Variants in SEMA3B observed in about 807,000 individuals in gnomAD.
The protein encoded by SEMA3B is semaphorin 3B.
SEMA3B carries 71 observed loss-of-function variants against 77.8 expected under a neutral mutation model. The observed-to-expected ratio is 0.91, with a 90% confidence interval of 0.75 to 1.11. SEMA3B has a LOEUF of 1.11. SEMA3B is among the 50% of genes most tolerant of loss of function. SEMA3B has a pLI of 0.00. For missense variants in SEMA3B, 968 were observed against 1,056.8 expected, an observed-to-expected ratio of 0.92 and a Z score of 1.17; for synonymous variants, 470 against 452.9, an observed-to-expected ratio of 1.04 and a Z score of -0.48.
At chr3:50,261,348 T>G in the SEMA3B span, 1 of 152,270 alleles carries the variant, frequency 6.6e-6, no homozygotes, top group South Asian at 2.1e-4. Flanking sequence ...GAGACTGCCA[T>G]GAAGTTGATC....
chr3:50,273,894 C>T lies in SEMA3B; in HGVS notation c.993-19C>T. 6.3e-7 allele frequency: 1 copy of T among 1,589,704 alleles called. No individual in the cohort carries two copies. The highest frequency in any genetic ancestry group is 8.6e-7 in the Non-Finnish European group (1 of 1,165,304). ...GGGCTCCACCCGGCCCCTCACCTCG[C>T]CCTGGTCTTCGCCTCCAGCAGCATC... On this transcript the variant is annotated intron_variant, in intron 9 of 16. Transcript: ENST00000616701. The surrounding 1 kb of genome is among the most constrained non-coding windows in gnomAD (Gnocchi z 6.5).
At position 50,273,657 on chromosome 3, in the gene SEMA3B, G is replaced by C; in HGVS notation, c.922+11G>C. Reference sequence around the variant, plus strand: ...ACTTCGATCAGCTCCGTGAGTGCGGGAGTGGGTATGGGGTTGGGGAGGGGG... The same window carrying C: ...ACTTCGATCAGCTCCGTGAGTGCGGCAGTGGGTATGGGGTTGGGGAGGGGG... On this transcript the variant is annotated intron_variant, in intron 8 of 16. Coordinates refer to ENST00000616701, the MANE Select transcript of SEMA3B (RefSeq NM_001290060.2). This position sits in a 1 kb window ranked among gnomAD's most constrained non-coding sequence, Gnocchi z 6.5. 1.2e-6 allele frequency: 2 copies of C among 1,608,488 alleles called. No homozygotes were observed. Among genetic ancestry groups the C allele is most frequent in the Non-Finnish European group, 1.7e-6 (2 of 1,179,046 alleles).
Position 50,270,784 on chromosome 3 carries a change from G to C in SEMA3B, c.331-106G>C. On this transcript the variant is annotated intron_variant, in intron 3 of 16. Transcript: ENST00000616701. The surrounding 1 kb of genome is among the most constrained non-coding windows in gnomAD (Gnocchi z 4.7). The stretch of plus-strand genomic sequence containing the variant: ...GTCCCTGTAGCCCATGTTAGTACTT[G>C]CCTGGGCTGATGCCGAAGAGAGGGA... The C allele has an allele frequency of 6.7e-7, 1 of 1,503,622 alleles. No individual in the cohort carries two copies. The highest frequency in any genetic ancestry group is 9.0e-7 in the Non-Finnish European group (1 of 1,115,600). The allele number at this position is 1,503,622 out of a possible 1,614,324, so 93.1% of individuals were successfully genotyped here. A position where few individuals can be genotyped will look rare whatever the true frequency, so the allele number is the denominator to read the frequency against.
At position 50,270,943 on chromosome 3, in the gene SEMA3B, G is replaced by A; in HGVS notation, c.384G>A (p.Leu128=). The A allele has an allele frequency of 6.2e-7, 1 of 1,611,824 alleles. No individual in the cohort carries two copies. The highest frequency in any genetic ancestry group is 8.5e-7 in the Non-Finnish European group (1 of 1,178,990). ...TGCATGCCTACAACCGCACCCATTT[G>A]CTGGCCTGTGGCACGGGAGCCTTCC... ...KLLHAYNRTH[L]LACGTGAFHP... Residue 128 remains leucine, a synonymous_variant, in exon 4 of 17, where the codon TTG becomes TTA. Transcript: ENST00000616701. The surrounding 1 kb of genome is among the most constrained non-coding windows in gnomAD (Gnocchi z 4.7).
chr3:50,270,431 A>G lies in SEMA3B; in HGVS notation c.268-2A>G. 6.2e-7 allele frequency: 1 copy of G among 1,613,754 alleles called. No homozygotes were observed. The highest frequency in any genetic ancestry group is 8.5e-7 in the Non-Finnish European group (1 of 1,179,848). On this transcript the variant is annotated splice_acceptor_variant, in intron 2 of 16. Transcript: ENST00000616701. LOFTEE classifies it high-confidence loss of function. The surrounding 1 kb of genome is among the most constrained non-coding windows in gnomAD (Gnocchi z 4.7). ...GTCCCCTCTCCCCCAACCTCCCGATAGCTGGCCTGGCCGGCCCCTGTGGAA... is the reference window on the plus strand; with the variant it reads ...GTCCCCTCTCCCCCAACCTCCCGATGGCTGGCCTGGCCGGCCCCTGTGGAA...
chr3:50,275,162 C>T lies in SEMA3B; in HGVS notation c.1491+109C>T. ...TTGCAGTCCCGGGTTTGAGTACAGG[C>T]TCTGGCTTTGTTAGACTGTGTGACC... On this transcript the variant is annotated intron_variant, in intron 13 of 16. Coordinates refer to ENST00000616701, the MANE Select transcript of SEMA3B (RefSeq NM_001290060.2). The surrounding 1 kb of genome is among the most constrained non-coding windows in gnomAD (Gnocchi z 7.5). 6.8e-7 allele frequency: 1 copy of T among 1,469,206 alleles called. No individual in the cohort carries two copies. The highest frequency in any genetic ancestry group is 2.4e-5 in the East Asian group (1 of 41,888). 91.0% of individuals were successfully genotyped at this position (1,469,206 alleles called of 1,614,324 possible). A position where few individuals can be genotyped will look rare whatever the true frequency, so the allele number is the denominator to read the frequency against.
chr3:50,266,442 A>C (rs1700899668), upstream of SEMA3B, among the ~76,000 whole-genome samples: 1 of 152,092 alleles, frequency 6.6e-6, no homozygotes. Context: ...CCAGGTCCTC[A>C]GGCTCAGGAA....
Position 50,274,772 on chromosome 3 carries a change from C to T in SEMA3B, c.1358-71C>T. 2 of 1,540,964 alleles carry T rather than the reference C, an allele frequency of 1.3e-6. No individual in the cohort carries two copies. The highest frequency in any genetic ancestry group is 1.8e-6 in the Non-Finnish European group (2 of 1,128,308). On this transcript the variant is annotated intron_variant, in intron 11 of 16. Transcript: ENST00000616701. The surrounding 1 kb of genome is among the most constrained non-coding windows in gnomAD (Gnocchi z 4.7). ...CCAAACATGCTGAGGGTAGACGCCT[C>T]AAAGGCGAGGAGACACTAGCCCCAG... is the stretch of plus-strand genomic sequence containing the variant.
rs1425871023 is a variant in SEMA3B at position 50,275,556 on chromosome 3, A to C, written c.1650-4A>C. ...GCTCACAGAAGATCGGATGTTCCCCACAGGCGGTTCCGGCGGCAAGACGTA... is the reference window on the plus strand; with the variant it reads ...GCTCACAGAAGATCGGATGTTCCCCCCAGGCGGTTCCGGCGGCAAGACGTA... On this transcript the variant is annotated splice_region_variant and splice_polypyrimidine_tract_variant and intron_variant, in intron 14 of 16. Coordinates refer to ENST00000616701, the MANE Select transcript of SEMA3B (RefSeq NM_001290060.2). The surrounding 1 kb of genome is among the most constrained non-coding windows in gnomAD (Gnocchi z 7.5). The C allele has an allele frequency of 6.2e-7, 1 of 1,613,590 alleles. No individual in the cohort carries two copies. The highest frequency in any genetic ancestry group is 8.5e-7 in the Non-Finnish European group (1 of 1,179,888).
upstream of SEMA3B, among the ~76,000 whole-genome samples, chr3:50,268,261 A>C (rs1423906126): frequency 6.6e-6 from 1 of 152,192 alleles, no homozygotes; most frequent in African/African-American, 2.4e-5. Context: ...GCAGTCCCCA[A>C]GTCAGAGGCT....
In SEMA3B at chr3:50,269,549, C is replaced by T. The variant is rs587642585; in HGVS notation, c.109+200C>T. Among the ~76,000 whole-genome samples, 3 of 152,336 alleles carry T rather than the reference C, an allele frequency of 2.0e-5. No homozygotes were observed. The highest frequency in any genetic ancestry group is 2.9e-5 in the Non-Finnish European group (2 of 68,032). Reference sequence around the variant, plus strand: ...CCCCAGCCTCTGCCCACATTCTCTTCGTGCTTTCTCAGGAAGACCCCTCCT... The same window carrying T: ...CCCCAGCCTCTGCCCACATTCTCTTTGTGCTTTCTCAGGAAGACCCCTCCT... On this transcript the variant is annotated intron_variant, in intron 1 of 16. Coordinates refer to ENST00000616701, the MANE Select transcript of SEMA3B (RefSeq NM_001290060.2). The surrounding 1 kb of genome is among the most constrained non-coding windows in gnomAD (Gnocchi z 4.0).
chr3:50,273,127 T>C lies in SEMA3B; in HGVS notation c.665-171T>C, dbSNP rs1225839715. 3.7e-6 allele frequency: 4 copies of C among 1,073,204 alleles called. No individual in the cohort carries two copies. In the African/African-American group the frequency reaches 4.8e-5, roughly 13 times the overall value. 66.5% of individuals were successfully genotyped at this position (1,073,204 alleles called of 1,614,324 possible). On this transcript the variant is annotated intron_variant, in intron 6 of 16. Coordinates refer to ENST00000616701, the MANE Select transcript of SEMA3B (RefSeq NM_001290060.2). The surrounding 1 kb of genome is among the most constrained non-coding windows in gnomAD (Gnocchi z 6.5). ...TTCTTGCCTCGCAGGCCCTGATCCT[T>C]TGGATTCGGTCCGCGCAGAGCGCCA...
At position 50,273,761 on chromosome 3, in the gene SEMA3B, G is replaced by T; in HGVS notation, c.925G>T (p.Asp309Tyr). The part of the protein sequence containing the change: ...EGDTHFDQLQ[D>Y]VFLLSSRDHR... ...CCAGCTAGGCCCCTTCCCCGCAGAG[G>T]ATGTGTTTCTGTTGTCCTCGCGGGA... Residue 309 changes from aspartate (D) to tyrosine (Y), a missense_variant and splice_region_variant, in exon 9 of 17, where the codon GAT (aspartate) becomes TAT (tyrosine). Transcript: ENST00000616701. The surrounding 1 kb of genome is among the most constrained non-coding windows in gnomAD (Gnocchi z 6.5). 1 of 1,602,948 alleles carries T rather than the reference G, an allele frequency of 6.2e-7. No individual in the cohort carries two copies.
upstream of SEMA3B, among the ~76,000 whole-genome samples, chr3:50,268,560 A>G (rs1553704793): frequency 6.6e-6 from 1 of 152,240 alleles, no homozygotes; most frequent in Non-Finnish European, 1.5e-5. Flanking sequence ...AGATGTGCAC[A>G]CACATGCACA....
At position 50,275,754 on chromosome 3, in the gene SEMA3B, C is replaced by A; in HGVS notation, c.1755C>A (p.Gly585=). ...AACACAAGGTGTTCGGCGTGGAGGG[C>A]AGCAGCGCCTTTCTGGAGTGTGAGC... ...LLEHKVFGVE[G]SSAFLECEPR... The change falls in exon 16 of 17, where the codon GGC becomes GGA. Residue 585 remains glycine (G), a synonymous_variant. Transcript: ENST00000616701. The surrounding 1 kb of genome is among the most constrained non-coding windows in gnomAD (Gnocchi z 7.5). 6.2e-7 allele frequency: 1 copy of A among 1,613,240 alleles called. No homozygotes were observed. The highest frequency in any genetic ancestry group is 8.5e-7 in the Non-Finnish European group (1 of 1,179,816).
Position 50,271,170 on chromosome 3 carries a change from C to T in SEMA3B, c.533C>T (p.Ser178Phe). 1 of 1,573,694 alleles carries T rather than the reference C, an allele frequency of 6.4e-7. No individual in the cohort carries two copies. ...SPYDPRHRAA[S>F]VLVGEELYSG... ...TATGACCCCAGGCATCGGGCTGCCT[C>T]CGTGCTGGTGGGTGAGTCCAAGGGC... The change falls in exon 5 of 17, where the codon TCC becomes TTC. Residue 178 changes from serine (S) to phenylalanine (F), a missense_variant. Ser to Phe is a radical substitution (Grantham distance 155). Transcript: ENST00000616701.
chr3:50,271,822 C>G (rs1701063409), intron 6 of SEMA3B, among the ~76,000 whole-genome samples: 1 of 152,154 alleles, frequency 6.6e-6, no homozygotes, highest in South Asian at 2.1e-4. Flanking sequence ...GACAGCTAGC[C>G]AGCAAAATTT....
chr3:50,276,648 G>T lies in SEMA3B; in HGVS notation c.2192G>T (p.Arg731Met). The T allele has an allele frequency of 6.3e-7, 1 of 1,595,180 alleles. No homozygotes were observed. Among genetic ancestry groups the T allele is most frequent in the Non-Finnish European group, 8.5e-7 (1 of 1,175,578 alleles). ...TCGCGGAGAAAGGGCCGTAACCGGA[G>T]GACCCACGCCCCTGAGCCTCGCGCT... ...LESRRKGRNR[R>M]THAPEPRAER... Residue 731 changes from arginine (R) to methionine (M), a missense_variant, in exon 17 of 17, where the codon AGG becomes ATG. Physicochemically the swap from Arg to Met is moderately conservative, Grantham distance 91. Coordinates refer to ENST00000616701, the MANE Select transcript of SEMA3B (RefSeq NM_001290060.2). This position sits in a 1 kb window ranked among gnomAD's most constrained non-coding sequence, Gnocchi z 5.8.
In SEMA3B at chr3:50,270,775, T is replaced by A. The variant is rs587630505; in HGVS notation, c.331-115T>A. 2.8e-4 allele frequency: 418 copies of A among 1,474,746 alleles called. 4 individuals are homozygous for A. The South Asian group carries it at 5.1e-3, about 18-fold the overall frequency. 91.4% of individuals were successfully genotyped at this position (1,474,746 alleles called of 1,614,324 possible). ...GGCCCCCAGGTCCCTGTAGCCCATG[T>A]TAGTACTTGCCTGGGCTGATGCCGA... On this transcript the variant is annotated intron_variant, in intron 3 of 16. Coordinates refer to ENST00000616701, the MANE Select transcript of SEMA3B (RefSeq NM_001290060.2). The surrounding 1 kb of genome is among the most constrained non-coding windows in gnomAD (Gnocchi z 4.7).
Sources: allele counts gnomAD v4.1 joint callset (sites outside exome capture counted in the v4.1 genomes callset), GRCh38; gene constraint gnomAD v4.1.1; non-coding constraint Gnocchi (gnomAD v3.1); transcripts MANE v1.5; gene names NCBI Gene and HGNC (gene_info 2026-07-23, HGNC 2026-07-21).